The following LACRT variants were observed in gnomAD, a reference collection of about 807,000 sequenced individuals.
LACRT encodes lacritin.
A neutral mutation model predicts 14.5 loss-of-function variants in LACRT; 14 were observed. The ratio of observed to expected loss-of-function variants is 0.96; its 90% CI spans 0.64 to 1.51. The LOEUF is 1.51. Ranked by LOEUF, LACRT falls within the 40% of genes most tolerant of loss-of-function variation. LACRT has a pLI of 0.00. For synonymous variants in LACRT, 70 were observed against 63.5 expected, an observed-to-expected ratio of 1.10 and a Z score of -0.48; for missense variants, 156 against 161.8, an observed-to-expected ratio of 0.96 and a Z score of 0.19.
At chr12:54,631,248 CT>C (rs939386636) in intron 4 of LACRT, among the ~76,000 whole-genome samples, 13 of 151,496 alleles carry the variant, frequency 8.6e-5, no homozygotes, top group African/African-American at 2.4e-5. Flanking sequence ...TGAATCTGTT[CT>C]TTTTTTTTGA....
intron 1 of LACRT, among the ~76,000 whole-genome samples, chr12:54,633,708 G>C (rs1365820163): frequency 6.6e-6 from 1 of 152,182 alleles, no homozygotes. Context: ...TGGAGGTGCA[G>C]TGCTGAAGAG....
intron 4 of LACRT, among the ~76,000 whole-genome samples, chr12:54,631,309 G>A (rs1173534379): frequency 1.3e-5 from 2 of 152,058 alleles, no homozygotes; most frequent in African/African-American, 4.8e-5. Context: ...GCACAATCTC[G>A]GCCCACTGCA....
intron 1 of LACRT, among the ~76,000 whole-genome samples, chr12:54,633,715 A>G (rs1468100789): frequency 6.6e-6 from 1 of 152,184 alleles, no homozygotes; most frequent in Non-Finnish European, 1.5e-5. Flanking sequence ...GCAGTGCTGA[A>G]GAGGGCAGAC....
At chr12:54,634,725 T>A in intron 1 of LACRT, 59 bp downstream of exon 1, 2 of 1,476,518 alleles carry the variant, frequency 1.4e-6, no homozygotes, top group Non-Finnish European at 1.9e-6. Context: ...AAGGCAGGAG[T>A]GAGGGGCTCC....
chr12:54,633,041 A>G (rs554560588), intron 2 of LACRT, 139 bp downstream of exon 2: 2 of 846,686 alleles, frequency 2.4e-6, no homozygotes, highest in South Asian at 2.7e-5. Flanking sequence ...TCTTTATTAT[A>G]TTACCTGCCC....
At chr12:54,632,167 C>T (rs932484621) in intron 3 of LACRT, 74 bp downstream of exon 3, 62 of 1,542,396 alleles carry the variant, frequency 4.0e-5, no homozygotes, top group Middle Eastern at 1.7e-4. Context: ...TATCTCTGTG[C>T]GTGGAGGTGT....
chr12:54,631,856 A>G lies in LACRT; in HGVS notation c.254-17T>C, dbSNP rs763681841. 6.4e-7 allele frequency: 1 copy of G among 1,572,160 alleles called. No homozygotes were observed. Among genetic ancestry groups the G allele is most frequent in the Non-Finnish European group, 8.8e-7 (1 of 1,141,936 alleles). On this transcript the variant is annotated splice_polypyrimidine_tract_variant and intron_variant, in intron 3 of 4. Coordinates refer to ENST00000257867, the MANE Select transcript of LACRT (RefSeq NM_033277.2). The stretch of plus-strand genomic sequence containing the variant: ...CTATGGATTCTAATTTTGGAGCAGA[A>G]CAATCACATCAGCAGAAAAATCACC...
rs1958158866 is a variant in LACRT, at chr12:54,632,380, A to G, written c.114T>C (p.Ser38=). 1 of 1,613,364 alleles carries G rather than the reference A, an allele frequency of 6.2e-7. No individual in the cohort carries two copies. Among genetic ancestry groups the G allele is most frequent in the Non-Finnish European group, 8.5e-7 (1 of 1,179,758 alleles). ...GADPAQEAGT[S]KPNEEISGPA... ...GACCTGAGATCTCTTCATTAGGCTT[A>G]GCTGTGAATGCACAAATTGATGGAT... The change falls in exon 3 of 5, where the codon TCT becomes TCC. Residue 38 remains serine, a splice_region_variant and synonymous_variant. Coordinates refer to ENST00000257867, the MANE Select transcript of LACRT (RefSeq NM_033277.2).
At position 54,631,846 on chromosome 12, in the gene LACRT, T is replaced by A; in HGVS notation, c.254-7A>T. 1 of 1,599,964 alleles carries A rather than the reference T, an allele frequency of 6.3e-7. No individual in the cohort carries two copies. The highest frequency in any genetic ancestry group is 8.6e-7 in the Non-Finnish European group (1 of 1,167,208). ...CTTTTCTCCACTATGGATTCTAATT[T>A]TGGAGCAGAACAATCACATCAGCAG... On this transcript the variant is annotated splice_region_variant and splice_polypyrimidine_tract_variant and intron_variant, in intron 3 of 4. Transcript: ENST00000257867.
In LACRT at chr12:54,630,952, A is replaced by G; in HGVS notation, c.357T>C (p.Asn119=). 6.2e-7 allele frequency: 1 copy of G among 1,606,488 alleles called. No homozygotes were observed. Among genetic ancestry groups the G allele is most frequent in the Non-Finnish European group, 8.5e-7 (1 of 1,174,024 alleles). The change falls in exon 5 of 5, where the codon AAT becomes AAC. Residue 119 remains asparagine (N), a splice_region_variant and synonymous_variant. Transcript: ENST00000257867. ...GTAATTTTTGTGCAAATTCACTTCCATCTAGAAGGAAAGATGAGACAAATG... is the reference window on the plus strand; with the variant it reads ...GTAATTTTTGTGCAAATTCACTTCCGTCTAGAAGGAAAGATGAGACAAATG... ...GVPGGKQFIE[N]GSEFAQKLLK...
intron 4 of LACRT, 123 bp downstream of exon 4, chr12:54,631,615 T>C: frequency 1.4e-6 from 1 of 726,614 alleles, no homozygotes; most frequent in Non-Finnish European, 2.5e-6. Flanking sequence ...GCAGGGGCTG[T>C]GGCAATTCCA....
rs1265889627 is a variant in LACRT at position 54,632,721 on chromosome 12, A to T, written c.113-340T>A. Among the ~76,000 whole-genome samples the T allele has an allele frequency of 2.6e-5, 4 of 152,088 alleles. No individual in the cohort carries two copies. The East Asian group carries it at 7.7e-4, about 29-fold the overall frequency. On this transcript the variant is annotated intron_variant, in intron 2 of 4. Transcript: ENST00000257867. Reference sequence around the variant, plus strand: ...AGTGAGTAAGAGGTCAGGCGAAGGCATGTGTGGGGAATGGAAACAAGTTCA... The same window carrying T: ...AGTGAGTAAGAGGTCAGGCGAAGGCTTGTGTGGGGAATGGAAACAAGTTCA...
At chr12:54,633,312 A>C (rs1014483455) in intron 1 of LACRT, 79 bp from the exon 2 acceptor site, 1 of 1,239,120 alleles carries the variant, frequency 8.1e-7, no homozygotes, top group Non-Finnish European at 1.2e-6. Context: ...CCCATTCCCA[A>C]AGCTTATCTC....
intron 4 of LACRT, 37 bp downstream of exon 4, chr12:54,631,701 C>A (rs1284075946): frequency 1.4e-6 from 2 of 1,478,334 alleles, no homozygotes; most frequent in South Asian, 2.3e-5. Flanking sequence ...GGTGAGTATT[C>A]TCATTCCCAC....
chr12:54,633,276 C>T (rs752474595), intron 1 of LACRT, 43 bp from the exon 2 acceptor site: 35 of 1,571,096 alleles, frequency 2.2e-5, no homozygotes, highest in Middle Eastern at 1.7e-4. Flanking sequence ...AGGACCGAAC[C>T]GGACCTACTC....
In LACRT at chr12:54,630,916, G is replaced by A. The variant is rs866021048; in HGVS notation, c.393C>T (p.Phe131=). The A allele has an allele frequency of 1.9e-6, 3 of 1,612,346 alleles. No homozygotes were observed. The highest frequency in any genetic ancestry group is 2.5e-6 in the Non-Finnish European group (3 of 1,178,566). The part of the protein sequence containing the change: ...SEFAQKLLKK[F]SLLKPWA ...CTCATGCCCATGGTTTTAATAGACT[G>A]AATTTCTTCAGTAATTTTTGTGCAA... The change falls in exon 5 of 5, where the codon TTC becomes TTT. Residue 131 remains phenylalanine, a synonymous_variant. Transcript: ENST00000257867.
At chr12:54,631,914 G>GGGGGGGGGCC in intron 3 of LACRT, 75 bp from the exon 4 acceptor site, 1 of 951,896 alleles carries the variant, frequency 1.1e-6, no homozygotes. Context: ...TGCCCCACCT[G>GGGGGGGGGCC]CACCCGCCCC....
intron 1 of LACRT, among the ~76,000 whole-genome samples, chr12:54,634,448 G>GT (rs1565725396): frequency 6.6e-6 from 1 of 152,010 alleles, no homozygotes; most frequent in African/African-American, 2.4e-5. Flanking sequence ...CCAGATTTTA[G>GT]CTTCTACCAC....
chr12:54,631,942 A>G (rs527354979), intron 3 of LACRT, 103 bp from the exon 4 acceptor site: 3 of 504,282 alleles, frequency 5.9e-6, no homozygotes, highest in South Asian at 5.2e-5. Flanking sequence ...CACTCCACCC[A>G]GGACATCATC....
Sources: allele counts gnomAD v4.1 joint callset (sites outside exome capture counted in the v4.1 genomes callset), GRCh38; gene constraint gnomAD v4.1.1; transcripts MANE v1.5; gene names NCBI Gene and HGNC (gene_info 2026-07-23, HGNC 2026-07-21).